Variants in MINAR2 observed in about 807,000 individuals in gnomAD.
MINAR2 encodes the protein major intrinsically disordered NOTCH2-binding receptor 1-like.
MINAR2 carries 21 observed loss-of-function variants against 16.1 expected under a neutral mutation model. The observed-to-expected ratio is 1.31, with a 90% CI of 0.93 to 1.88. The LOEUF (loss-of-function observed/expected upper bound fraction) is 1.88. MINAR2 is among the 40% of genes most tolerant of loss of function. The probability of loss-of-function intolerance (pLI) is 0.00; values close to 1 mark genes in which losing one functional copy is unlikely to be tolerated. For synonymous variants in MINAR2, 86 were observed against 83.0 expected (o/e 1.04, Z -0.20); for missense variants, 259 against 229.8 (o/e 1.13, Z -0.82).
chr5:129,750,659 A>G (rs1757975012), intron 1 of MINAR2, among the ~76,000 whole-genome samples: 1 of 152,204 alleles, frequency 6.6e-6, no homozygotes, highest in African/African-American at 2.4e-5. Context: ...ATATGTATGG[A>G]AGTATGTACA....
chr5:129,759,685 C>A (rs1456846372), intron 1 of MINAR2, among the ~76,000 whole-genome samples: 2 of 152,128 alleles, frequency 1.3e-5, no homozygotes, highest in East Asian at 3.9e-4. Context: ...CTACTAATGT[C>A]ATATTTCTAG....
intron 1 of MINAR2, among the ~76,000 whole-genome samples, chr5:129,751,399 G>T (rs543292739): frequency 6.6e-6 from 1 of 152,074 alleles, no homozygotes; most frequent in South Asian, 2.1e-4. Context: ...AGTAGAGATG[G>T]GGTTTCACCA....
intron 1 of MINAR2, among the ~76,000 whole-genome samples, chr5:129,755,544 T>C (rs1475173660): frequency 2.0e-5 from 3 of 152,002 alleles, no homozygotes; most frequent in African/African-American, 4.8e-5. Context: ...TTAGTTTTTC[T>C]TAAATAAGTT....
At chr5:129,751,561 T>C (rs1040578943) in intron 1 of MINAR2, among the ~76,000 whole-genome samples, 2 of 152,178 alleles carry the variant, frequency 1.3e-5, no homozygotes, top group Non-Finnish European at 2.9e-5. Context: ...ACCAGGGACA[T>C]TGTAGTTCCC....
At position 129,748,248 on chromosome 5, in the gene MINAR2, G is replaced by A. The variant is rs552070107; in HGVS notation, c.58G>A (p.Val20Ile). 1.7e-5 allele frequency: 26 copies of A among 1,535,202 alleles called. No homozygotes were observed. The highest frequency in any genetic ancestry group is 7.3e-5 in the East Asian group (3 of 40,906). The change falls in exon 1 of 3, where the codon GTA becomes ATA. Residue 20 changes from valine (V) to isoleucine (I), a missense_variant. Val to Ile is a conservative substitution (Grantham distance 29). Coordinates refer to ENST00000564719, the MANE Select transcript of MINAR2 (RefSeq NM_001257308.2). ...TCCTGACAAATTCCTGCAGCTTGAC[G>A]TAAAGTCTTTAACGAGGAGCTCAGC... ...NHPDKFLQLDVKSLTRSSALL... is the reference protein window; with the variant it reads ...NHPDKFLQLDIKSLTRSSALL...
At chr5:129,763,008 T>G (rs1445131554) in intron 2 of MINAR2, among the ~76,000 whole-genome samples, 2 of 152,196 alleles carry the variant, frequency 1.3e-5, no homozygotes, top group Non-Finnish European at 2.9e-5. Context: ...AAAAAATGTT[T>G]GAATGCTACA....
At chr5:129,763,097 T>G (rs1353149087) in intron 2 of MINAR2, among the ~76,000 whole-genome samples, 3 of 152,164 alleles carry the variant, frequency 2.0e-5, no homozygotes, top group Non-Finnish European at 1.5e-5. Context: ...TTAGGAAGAA[T>G]GAGCCATATA....
At position 129,765,367 on chromosome 5, in the gene MINAR2, G is replaced by A. The variant is rs1758198968; in HGVS notation, c.*304G>A. ...AACCCACATTAAATATCTTTATAGGGAGCAAACAGTATCAAAAATTGTCAG... is the reference window on the plus strand; with the variant it reads ...AACCCACATTAAATATCTTTATAGGAAGCAAACAGTATCAAAAATTGTCAG... On this transcript the variant is annotated 3_prime_UTR_variant, in exon 3 of 3. Coordinates refer to ENST00000564719, the MANE Select transcript of MINAR2 (RefSeq NM_001257308.2). 1 of 241,726 alleles carries A rather than the reference G, an allele frequency of 4.1e-6. No individual in the cohort carries two copies. Among genetic ancestry groups the A allele is most frequent in the Admixed American group, 5.5e-5 (1 of 18,052 alleles). The allele number at this position is 241,726 out of a possible 1,614,324, so 15.0% of individuals were successfully genotyped here. A position where few individuals can be genotyped will look rare whatever the true frequency, so the allele number is the denominator to read the frequency against.
Position 129,757,328 on chromosome 5 carries a change from C to A in MINAR2, c.166-3050C>A, listed in dbSNP as rs9327537. On this transcript the variant is annotated intron_variant, in intron 1 of 2. Coordinates refer to ENST00000564719, the MANE Select transcript of MINAR2 (RefSeq NM_001257308.2). Reference sequence around the variant, plus strand: ...GCTTAGGAAGTGGAAACAAAATTAGCGAGCATTTAGTCAGTCACAACACCC... The same window carrying A: ...GCTTAGGAAGTGGAAACAAAATTAGAGAGCATTTAGTCAGTCACAACACCC... Among the ~76,000 whole-genome samples the A allele has an allele frequency of 2.0e-5, 3 of 151,812 alleles. No homozygotes were observed. In the East Asian group the frequency reaches 5.8e-4, roughly 29 times the overall value.
At position 129,749,537 on chromosome 5, in the gene MINAR2, G is replaced by A. The variant is rs184273588; in HGVS notation, c.165+1182G>A. ...AAACCCTTCTGCCATTTCATACCCA[G>A]CCATCTTGTTGTTGTTGTATTTGTA... On this transcript the variant is annotated intron_variant, in intron 1 of 2. Transcript: ENST00000564719. 3.2e-3 allele frequency among the ~76,000 whole-genome samples: 494 copies of A among 152,126 alleles called. 4 individuals carry two copies. Among genetic ancestry groups the A allele is most frequent in the African/African-American group, 0.012 (485 of 41,522 alleles).
intron 1 of MINAR2, among the ~76,000 whole-genome samples, chr5:129,757,074 A>G (rs1758065014): frequency 6.6e-6 from 1 of 150,530 alleles, no homozygotes; most frequent in Admixed American, 6.6e-5. Context: ...TAATATATAT[A>G]TATATATATC....
chr5:129,763,924 G>T (rs752954112), intron 2 of MINAR2, among the ~76,000 whole-genome samples: 2 of 152,110 alleles, frequency 1.3e-5, no homozygotes, highest in Non-Finnish European at 2.9e-5. Context: ...CAAAGAGAGG[G>T]TAGGCAGTCC....
chr5:129,749,031 C>G lies in MINAR2; in HGVS notation c.165+676C>G, dbSNP rs955355419. Among the ~76,000 whole-genome samples the G allele has an allele frequency of 2.0e-5, 3 of 151,986 alleles. No individual in the cohort carries two copies. In the East Asian group the frequency reaches 5.8e-4, roughly 29 times the overall value. On this transcript the variant is annotated intron_variant, in intron 1 of 2. Coordinates refer to ENST00000564719, the MANE Select transcript of MINAR2 (RefSeq NM_001257308.2). ...TTGCATTTTCCTTCTTTTTGCTGAC[C>G]AAAAGAGAAGAATAAAACTGTGATG...
chr5:129,749,679 C>T (rs1051514322), intron 1 of MINAR2, among the ~76,000 whole-genome samples: 1 of 152,022 alleles, frequency 6.6e-6, no homozygotes, highest in Non-Finnish European at 1.5e-5. Context: ...AAAACTTGGC[C>T]CTTCTATGCT....
At chr5:129,760,325 C>T (rs1016800128) in intron 1 of MINAR2, 53 bp from the exon 2 acceptor site, 2 of 1,327,278 alleles carry the variant, frequency 1.5e-6, no homozygotes, top group African/African-American at 2.9e-5. Context: ...CATTGCATTC[C>T]CTACTATCAG....
chr5:129,756,934 TAAAAA>T (rs34547893), intron 1 of MINAR2, among the ~76,000 whole-genome samples: 2 of 73,966 alleles, frequency 2.7e-5, no homozygotes, highest in African/African-American at 1.0e-4. Flanking sequence ...CTTTCCACAG[TAAAAA>T]AAAAAAAAAA....
intron 1 of MINAR2, among the ~76,000 whole-genome samples, chr5:129,754,372 C>T (rs907245404): frequency 7.9e-5 from 12 of 152,230 alleles, no homozygotes; most frequent in Non-Finnish European, 1.6e-4. Flanking sequence ...TTTGTGTTCA[C>T]AAAAGAGCTG....
chr5:129,762,758 A>G (rs115158132), intron 2 of MINAR2: 5,419 of 205,060 alleles, frequency 0.026, 325 homozygotes, highest in African/African-American at 0.12. Flanking sequence ...AAAGAAGAAA[A>G]ATAAAGAAGA....
At chr5:129,749,080 T>C (rs964448260) in intron 1 of MINAR2, among the ~76,000 whole-genome samples, 1 of 152,142 alleles carries the variant, frequency 6.6e-6, no homozygotes, top group Admixed American at 6.6e-5. Flanking sequence ...GGAGTAAACA[T>C]AAAGGCCCTA....
Sources: allele counts gnomAD v4.1 joint callset (sites outside exome capture counted in the v4.1 genomes callset), GRCh38; gene constraint gnomAD v4.1.1; transcripts MANE v1.5; gene names NCBI Gene and HGNC (gene_info 2026-07-23, HGNC 2026-07-21).